GDI2: variants seen among roughly 807,000 people sequenced by gnomAD.
The protein encoded by GDI2 is GDP dissociation inhibitor 2, also known as rab GDP dissociation inhibitor beta.
In GDI2, 22 loss-of-function variants were observed where a neutral mutation model predicts 54.2. That is an observed-to-expected ratio of 0.41 (90% CI 0.29 to 0.58). The LOEUF (loss-of-function observed/expected upper bound fraction) is 0.58, where lower values mean the gene tolerates loss of function less well. Ranked by LOEUF, GDI2 falls within the 20% of genes least tolerant of loss-of-function variation. The probability of loss-of-function intolerance (pLI) is 0.35; values close to 1 mark genes in which losing one functional copy is unlikely to be tolerated. For synonymous variants in GDI2, 177 were observed against 182.1 expected (o/e 0.97, Z 0.23); for missense variants, 422 against 546.0 (o/e 0.77, Z 2.26).
intron 3 of GDI2, 114 bp from the exon 4 acceptor site, chr10:5,795,133 A>G: frequency 2.9e-6 from 2 of 679,606 alleles, no homozygotes; most frequent in South Asian, 3.7e-5. Flanking sequence ...ACTCCAACAA[A>G]ATAATTTTTT....
chr10:5,808,505 C>T (rs7916827), intron 1 of GDI2, among the ~76,000 whole-genome samples: 80,088 of 151,622 alleles, frequency 0.53, 21,707 homozygotes, highest in Middle Eastern at 0.65. Flanking sequence ...GAAACCCCAT[C>T]GCTACTAAAC....
chr10:5,766,767 A>T lies in GDI2; in HGVS notation c.992-129T>A. On this transcript the variant is annotated intron_variant, in intron 8 of 10. Coordinates refer to ENST00000380191, the MANE Select transcript of GDI2 (RefSeq NM_001494.4). This position sits in a 1 kb window ranked among gnomAD's most constrained non-coding sequence, Gnocchi z 5.8. ...TCAATAGGCAAGATCTTCTACACTT[A>T]AGTTCTAAATGGTGACAGAGTTGGA... 1.5e-6 allele frequency: 1 copy of T among 665,702 alleles called. No homozygotes were observed. Among genetic ancestry groups the T allele is most frequent in the Admixed American group, 2.6e-5 (1 of 37,810 alleles). The allele number at this position is 665,702 out of a possible 1,614,324, so 41.2% of individuals were successfully genotyped here. A position where few individuals can be genotyped will look rare whatever the true frequency, so the allele number is the denominator to read the frequency against.
At chr10:5,795,372 T>C (rs1841122035) in intron 3 of GDI2, among the ~76,000 whole-genome samples, 2 of 152,122 alleles carry the variant, frequency 1.3e-5, no homozygotes, top group South Asian at 4.1e-4. Context: ...TCCACCCACC[T>C]TGGCCTCCCA....
At chr10:5,813,078 C>G in intron 1 of GDI2, 136 bp downstream of exon 1, 1 of 545,120 alleles carries the variant, frequency 1.8e-6, no homozygotes, top group East Asian at 3.5e-5. Flanking sequence ...GCGCCCCTAG[C>G]CACGACTCCC....
intron 4 of GDI2, among the ~76,000 whole-genome samples, chr10:5,791,750 G>GAAAAAAAAAAAAAAAAAAAAAAA (rs35475458): frequency 7.3e-6 from 1 of 137,268 alleles, no homozygotes; most frequent in Non-Finnish European, 1.5e-5. Context: ...CAAAAAAAAA[G>GAAAAAAAAAAAAAAAAAAAAAAA]AAAAAAAAAA....
intron 6 of GDI2, among the ~76,000 whole-genome samples, chr10:5,784,656 G>T (rs914413728): frequency 6.6e-6 from 1 of 152,194 alleles, no homozygotes; most frequent in Non-Finnish European, 1.5e-5. Context: ...CCCTAGGGAT[G>T]GGGCTTCCTG....
chr10:5,811,955 A>G, intron 1 of GDI2: 1 of 998,348 alleles, frequency 1.0e-6, no homozygotes, highest in Non-Finnish European at 1.3e-6. Flanking sequence ...TTGGGATGTT[A>G]CCTGTAAAAA....
In GDI2 at chr10:5,774,635, T is replaced by G. The variant is rs1050901808; in HGVS notation, c.720-694A>C. Among the ~76,000 whole-genome samples the G allele has an allele frequency of 6.6e-6, 1 of 152,040 alleles. No homozygotes were observed. Among genetic ancestry groups the G allele is most frequent in the African/African-American group, 2.4e-5 (1 of 41,384 alleles). On this transcript the variant is annotated intron_variant, in intron 6 of 10. Transcript: ENST00000380191. The surrounding 1 kb of genome is among the most constrained non-coding windows in gnomAD (Gnocchi z 4.8). ...CACCCTGATGGATGGCTCTTCGGGG[T>G]CCACACTGAGCAGACCTGAGACACT...
chr10:5,802,284 A>T lies in GDI2; in HGVS notation c.46-1579T>A, dbSNP rs1841287480. ...AACTGACACGTGCTGCCAATAAGTC[A>T]AATTTTAAATGAAAATTAGAATTAC... is the stretch of plus-strand genomic sequence containing the variant. On this transcript the variant is annotated intron_variant, in intron 1 of 10. Transcript: ENST00000380191. Among the ~76,000 whole-genome samples, 3 of 152,162 alleles carry T rather than the reference A, an allele frequency of 2.0e-5. No individual in the cohort carries two copies. The South Asian group carries it at 6.2e-4, about 32-fold the overall frequency.
intron 6 of GDI2, among the ~76,000 whole-genome samples, chr10:5,784,126 T>G (rs1389335028): frequency 6.6e-6 from 1 of 152,246 alleles, no homozygotes; most frequent in East Asian, 1.9e-4. Context: ...CGTTCATTTT[T>G]TTAAATTCTT....
rs1227990025 is a variant in GDI2, at chr10:5,774,300, G to A, written c.720-359C>T. Among the ~76,000 whole-genome samples the A allele has an allele frequency of 6.6e-6, 1 of 151,926 alleles. No homozygotes were observed. Among genetic ancestry groups the A allele is most frequent in the African/African-American group, 2.4e-5 (1 of 41,340 alleles). On this transcript the variant is annotated intron_variant, in intron 6 of 10. Coordinates refer to ENST00000380191, the MANE Select transcript of GDI2 (RefSeq NM_001494.4). The surrounding 1 kb of genome is among the most constrained non-coding windows in gnomAD (Gnocchi z 4.8). ...CTCTCCTTCTACCTTATGCCCCTTG[G>A]TCATTCTTTCTTCTGAGGAGAAAAG...
chr10:5,796,591 C>A (rs1017941698), intron 3 of GDI2, among the ~76,000 whole-genome samples, 172 bp downstream of exon 3: 5 of 152,184 alleles, frequency 3.3e-5, no homozygotes, highest in African/African-American at 1.2e-4. Flanking sequence ...CCCCTTCCTT[C>A]CTTTCCTAAC....
intron 4 of GDI2, among the ~76,000 whole-genome samples, chr10:5,793,014 A>G (rs1841053265): frequency 6.6e-6 from 1 of 151,338 alleles, no homozygotes; most frequent in South Asian, 2.1e-4. Context: ...AAAAATTTTG[A>G]GACAGGGTCC....
chr10:5,773,802 C>T lies in GDI2; in HGVS notation c.819+40G>A, dbSNP rs753698874. 4 of 867,782 alleles carry T rather than the reference C, an allele frequency of 4.6e-6. No individual in the cohort carries two copies. The Admixed American group carries it at 6.0e-5, about 13-fold the overall frequency. The allele number at this position is 867,782 out of a possible 1,614,324, so 53.8% of individuals were successfully genotyped here. A position where few individuals can be genotyped will look rare whatever the true frequency, so the allele number is the denominator to read the frequency against. On this transcript the variant is annotated intron_variant, in intron 7 of 10. Transcript: ENST00000380191. ...TATTTAGAATACACAACTTTCTTCA[C>T]AAGAACATAGTAATTTTTTTCATTT...
Position 5,766,093 on chromosome 10 carries a change from A to G in GDI2, c.1251T>C (p.Ile417=). 1 of 1,608,930 alleles carries G rather than the reference A, an allele frequency of 6.2e-7. No individual in the cohort carries two copies. The highest frequency in any genetic ancestry group is 8.5e-7 in the Non-Finnish European group (1 of 1,177,942). The part of the protein sequence containing the change: ...TTHFETTCDD[I]KNIYKRMTGS... ...CTGTCATCCTCTTATAGATGTTTTT[A>G]ATGTCATCACACGTTGTCTCAAAAT... The change falls in exon 11 of 11, where the codon ATT becomes ATC. Residue 417 remains isoleucine (I), a synonymous_variant. Coordinates refer to ENST00000380191, the MANE Select transcript of GDI2 (RefSeq NM_001494.4). The surrounding 1 kb of genome is among the most constrained non-coding windows in gnomAD (Gnocchi z 5.8).
chr10:5,765,751 T>A lies in GDI2; in HGVS notation c.*255A>T. The A allele has an allele frequency of 2.7e-6, 1 of 368,040 alleles. No individual in the cohort carries two copies. 22.8% of individuals were successfully genotyped at this position (368,040 alleles called of 1,614,324 possible). On this transcript the variant is annotated 3_prime_UTR_variant, in exon 11 of 11. Transcript: ENST00000380191. ...AGTTGTCTGTGTCGGTATCCCAATG[T>A]TTGTTTAACTTCACTAGAAAAAAAA...
rs1011579851 is a variant in GDI2, at chr10:5,813,337, C to T, written c.-79G>A. ...GTGACCACCCTACGAGGCTGGGAGG[C>T]GCTCTTGGGCGCGAAGGAAAGGGGA... On this transcript the variant is annotated 5_prime_UTR_variant, in exon 1 of 11. Transcript: ENST00000380191. 4.9e-6 allele frequency: 5 copies of T among 1,030,316 alleles called. No homozygotes were observed. Among genetic ancestry groups the T allele is most frequent in the Non-Finnish European group, 7.2e-6 (5 of 693,214 alleles). 63.8% of individuals were successfully genotyped at this position (1,030,316 alleles called of 1,614,324 possible).
chr10:5,772,415 G>T (rs375841194), intron 7 of GDI2, among the ~76,000 whole-genome samples: 8 of 152,190 alleles, frequency 5.3e-5, no homozygotes, highest in African/African-American at 1.7e-4. Flanking sequence ...ATGAAACAGG[G>T]TTATAAAGAA....
chr10:5,769,675 A>G (rs1840440621), intron 7 of GDI2, among the ~76,000 whole-genome samples: 1 of 151,830 alleles, frequency 6.6e-6, no homozygotes, highest in South Asian at 2.1e-4. Context: ...ATCACTAATC[A>G]TAACTTCAGT....
Sources: allele counts gnomAD v4.1 joint callset (sites outside exome capture counted in the v4.1 genomes callset), GRCh38; gene constraint gnomAD v4.1.1; non-coding constraint Gnocchi (gnomAD v3.1); transcripts MANE v1.5; gene names NCBI Gene and HGNC (gene_info 2026-07-23, HGNC 2026-07-21).